The following FOXP2 variants were observed in gnomAD, a reference collection of about 807,000 sequenced individuals.
FOXP2 encodes the protein forkhead box P2, also known as forkhead box protein P2.
A neutral mutation model predicts 115.8 loss-of-function variants in FOXP2; 12 were observed. The ratio of observed to expected loss-of-function variants is 0.10; its 90% confidence interval spans 0.07 to 0.17. The LOEUF (loss-of-function observed/expected upper bound fraction) is 0.17, where lower values mean the gene tolerates loss of function less well. Ranked by LOEUF, FOXP2 falls within the 10% of genes least tolerant of loss-of-function variation. FOXP2 has a pLI of 1.00. For synonymous variants in FOXP2, 328 were observed against 297.7 expected (o/e 1.10, Z -1.05); for missense variants, 629 against 843.5 (o/e 0.75, Z 3.15).
At chr7:114,339,614 A>G (rs1791151155) in intron 2 of FOXP2, among the ~76,000 whole-genome samples, 1 of 151,092 alleles carries the variant, frequency 6.6e-6, no homozygotes, top group Admixed American at 6.6e-5. Flanking sequence ...CCCTTATGAG[A>G]TAATCAACCT....
chr7:114,398,608 T>A (rs1792802399), intron 2 of FOXP2, among the ~76,000 whole-genome samples: 1 of 152,216 alleles, frequency 6.6e-6, no homozygotes, highest in Admixed American at 6.5e-5. Context: ...GCCATACGAT[T>A]GCTTTATTAG....
chr7:114,577,171 T>G (rs1333403859), intron 3 of FOXP2, among the ~76,000 whole-genome samples: 2 of 151,994 alleles, frequency 1.3e-5, no homozygotes, highest in Non-Finnish European at 2.9e-5. Flanking sequence ...TGTATTTACT[T>G]AAAAATATTT....
At chr7:114,538,835 C>A (rs898226560) in intron 3 of FOXP2, among the ~76,000 whole-genome samples, 1 of 151,680 alleles carries the variant, frequency 6.6e-6, no homozygotes, top group Admixed American at 6.6e-5. Context: ...TATTAACATG[C>A]CCCATCCAGA....
At chr7:114,657,984 A>C (rs1393430453) in intron 10 of FOXP2, 82 bp from the exon 11 acceptor site, 5 of 1,445,390 alleles carry the variant, frequency 3.5e-6, no homozygotes, top group Non-Finnish European at 4.9e-6. Flanking sequence ...GTAGAAGTGA[A>C]TCCACTCTCA....
intron 2 of FOXP2, among the ~76,000 whole-genome samples, chr7:114,289,091 T>C (rs1009750545): frequency 5.9e-5 from 9 of 151,904 alleles, no homozygotes; most frequent in South Asian, 2.1e-4. Flanking sequence ...TCTTTAATTA[T>C]ACAGTTAAAT....
intron 2 of FOXP2, among the ~76,000 whole-genome samples, chr7:114,380,089 T>A (rs1792249414): frequency 6.6e-6 from 1 of 152,312 alleles, no homozygotes; most frequent in Admixed American, 6.5e-5. Flanking sequence ...TTGGCTTCAA[T>A]ACCCGCTTGG....
intron 2 of FOXP2, among the ~76,000 whole-genome samples, chr7:114,517,255 C>G (rs1021066904): frequency 6.6e-6 from 1 of 151,990 alleles, no homozygotes; most frequent in Non-Finnish European, 1.5e-5. Context: ...ATTTAACTTA[C>G]TAGATGTGTG....
At chr7:114,107,161 G>A (rs968268216) in intron 1 of FOXP2, among the ~76,000 whole-genome samples, 2 of 151,868 alleles carry the variant, frequency 1.3e-5, no homozygotes, top group African/African-American at 2.4e-5. Context: ...TAACTAATCT[G>A]GGAATTTTAC....
chr7:114,127,628 T>C (rs983251324), intron 1 of FOXP2, among the ~76,000 whole-genome samples: 1 of 152,104 alleles, frequency 6.6e-6, no homozygotes. Context: ...AGTAGAAGAG[T>C]TTGCCAACAA....
At chr7:114,200,375 A>G (rs1287872801) in intron 1 of FOXP2, among the ~76,000 whole-genome samples, 3 of 152,188 alleles carry the variant, frequency 2.0e-5, no homozygotes, top group Non-Finnish European at 4.4e-5. Context: ...ATTTATCCAA[A>G]GTTATTCTGA....
At chr7:114,459,457 T>G (rs1795464619) in intron 2 of FOXP2, among the ~76,000 whole-genome samples, 1 of 152,246 alleles carries the variant, frequency 6.6e-6, no homozygotes, top group Non-Finnish European at 1.5e-5. Flanking sequence ...ATTTTCAGAC[T>G]TATGGTCCAG....
intron 1 of FOXP2, among the ~76,000 whole-genome samples, chr7:114,268,114 T>C (rs1233042569): frequency 2.0e-5 from 3 of 152,216 alleles, no homozygotes; most frequent in Non-Finnish European, 4.4e-5. Context: ...GGTTCATCCA[T>C]GTAAACAAGC....
intron 2 of FOXP2, among the ~76,000 whole-genome samples, chr7:114,444,468 T>C (rs1042147345): frequency 1.3e-5 from 2 of 152,172 alleles, no homozygotes; most frequent in African/African-American, 4.8e-5. Context: ...AAAGCCTCAC[T>C]CTTAGTTTTC....
At chr7:114,266,524 G>T (rs1795899278) in intron 1 of FOXP2, among the ~76,000 whole-genome samples, 1 of 152,028 alleles carries the variant, frequency 6.6e-6, no homozygotes, top group Non-Finnish European at 1.5e-5. Context: ...AGAGAGTTGG[G>T]GAGAAGTACC....
At chr7:114,491,195 A>G (rs1315814687) in intron 2 of FOXP2, among the ~76,000 whole-genome samples, 3 of 152,098 alleles carry the variant, frequency 2.0e-5, no homozygotes, top group African/African-American at 7.2e-5. Context: ...AATGATCATC[A>G]TTCTAACTGG....
intron 2 of FOXP2, among the ~76,000 whole-genome samples, chr7:114,292,680 C>A (rs1796636291): frequency 6.6e-6 from 1 of 152,072 alleles, no homozygotes; most frequent in African/African-American, 2.4e-5. Context: ...TAGCCTAGGA[C>A]TTTTTCTGCA....
chr7:114,308,863 A>G (rs141505483), intron 2 of FOXP2, among the ~76,000 whole-genome samples: 112 of 152,300 alleles, frequency 7.4e-4, no homozygotes, highest in African/African-American at 2.5e-3. Context: ...TTGTAATCCA[A>G]AAAGTCTCAA....
At position 114,424,931 on chromosome 7, in the gene FOXP2, C is replaced by T. The variant is rs546406377; in HGVS notation, c.-10-1571C>T. On this transcript the variant is annotated intron_variant, in intron 1 of 16. Transcript: ENST00000350908. Reference sequence around the variant, plus strand: ...TCAGTATGTCTTTTTTTTTAATGGACTTGATAAGAGTAGGAAAAGTAATTT... The same window carrying T: ...TCAGTATGTCTTTTTTTTTAATGGATTTGATAAGAGTAGGAAAAGTAATTT... 2.0e-5 allele frequency among the ~76,000 whole-genome samples: 3 copies of T among 150,404 alleles called. No homozygotes were observed. In the South Asian group the frequency reaches 6.3e-4, roughly 31 times the overall value.
chr7:114,570,864 C>T (rs770043745), intron 3 of FOXP2: 1 of 1,611,904 alleles, frequency 6.2e-7, no homozygotes, highest in Non-Finnish European at 8.5e-7. Context: ...TGATGGGCAT[C>T]CTCACAACAC....
Sources: allele counts gnomAD v4.1 joint callset (sites outside exome capture counted in the v4.1 genomes callset), GRCh38; gene constraint gnomAD v4.1.1; transcripts MANE v1.5; gene names NCBI Gene and HGNC (gene_info 2026-07-23, HGNC 2026-07-21).